ERI1: variants seen among roughly 807,000 people sequenced by gnomAD.
ERI1 encodes the protein exoribonuclease 1.
ERI1 carries 39 observed loss-of-function variants against 39.7 expected under a neutral mutation model. That is an observed-to-expected ratio of 0.98 (90% CI 0.76 to 1.28). The LOEUF (loss-of-function observed/expected upper bound fraction) is 1.28, where lower values mean the gene tolerates loss of function less well. Ranked by LOEUF, ERI1 falls within the 50% of genes most tolerant of loss-of-function variation. The pLI, the probability that ERI1 is intolerant of heterozygous loss-of-function variation, is 0.00. For missense variants in ERI1, 581 were observed against 416.9 expected (o/e 1.39, Z -3.43); for synonymous variants, 204 against 149.6 (o/e 1.36, Z -2.65).
intron 4 of ERI1, among the ~76,000 whole-genome samples, chr8:9,017,244 G>A (rs1817401244): frequency 6.6e-6 from 1 of 151,842 alleles, no homozygotes; most frequent in African/African-American, 2.4e-5. Context: ...GTTTCACTGT[G>A]TTGGCCAAGG....
At chr8:9,091,047 T>G (rs970627802) in intron 3 of ERI1, among the ~76,000 whole-genome samples, 2 of 152,200 alleles carry the variant, frequency 1.3e-5, no homozygotes, top group African/African-American at 4.8e-5. Context: ...TTTCCAAAAA[T>G]CAACAGTCTT....
chr8:9,040,727 TG>T (rs983881972), intron 3 of ERI1, among the ~76,000 whole-genome samples: 2 of 115,886 alleles, frequency 1.7e-5, no homozygotes, highest in African/African-American at 7.2e-5. Flanking sequence ...ATAGTGTGTG[TG>T]TGGGGGGGGG....
chr8:9,066,513 G>A (rs987226040), intron 3 of ERI1, among the ~76,000 whole-genome samples: 2 of 152,196 alleles, frequency 1.3e-5, no homozygotes, highest in East Asian at 1.9e-4. Flanking sequence ...TTGATTTTGT[G>A]TTCACCTGGC....
At position 9,011,735 on chromosome 8, in the gene ERI1, A is replaced by T; in HGVS notation, c.481A>T (p.Thr161Ser). Residue 161 changes from threonine (T) to serine (S), a missense_variant, in exon 3 of 7, where the codon ACG (threonine) becomes TCG (serine). Coordinates refer to ENST00000250263, the MANE Select transcript of ERI1 (RefSeq NM_153332.4). ...IIEFPVVLLNTHTLEIEDTFQ... is the reference protein window; with the variant it reads ...IIEFPVVLLNSHTLEIEDTFQ... ...TGAATTTCCGGTTGTTTTACTGAAT[A>T]CGCATACTTTAGAAATAGTAAGTGA... 1.9e-6 allele frequency: 3 copies of T among 1,603,804 alleles called. No homozygotes were observed. The highest frequency in any genetic ancestry group is 2.2e-5 in the South Asian group (2 of 90,122).
chr8:9,016,531 T>C (rs1817306990), intron 4 of ERI1, 126 bp downstream of exon 4: 1 of 441,370 alleles, frequency 2.3e-6, no homozygotes, highest in Non-Finnish European at 3.9e-6. Flanking sequence ...GGTAAAGATC[T>C]TTCATGTTGT....
downstream of ERI1, among the ~76,000 whole-genome samples, chr8:9,037,340 C>G (rs1386505265): frequency 6.6e-6 from 1 of 152,186 alleles, no homozygotes; most frequent in African/African-American, 2.4e-5. Flanking sequence ...GTCTTATTCT[C>G]TTGATTCTGT....
Position 9,094,572 on chromosome 8 carries a change from C to G in ERI1, n.300-21776C>G, listed in dbSNP as rs113288872. Among the ~76,000 whole-genome samples, 1,039 of 152,284 alleles carry G rather than the reference C, an allele frequency of 6.8e-3. 9 individuals carry two copies. The highest frequency in any genetic ancestry group is 9.4e-3 in the Non-Finnish European group (637 of 68,026). On this transcript the variant is annotated intron_variant and non_coding_transcript_variant, in intron 3 of 3. Transcript: ENST00000518663. ...CTGTGTGTTGATGGATGATGAGTTT[C>G]CAGCAACCCAACTGCTCAGAACAAA...
chr8:9,074,292 G>C (rs1284118546), intron 3 of ERI1, among the ~76,000 whole-genome samples: 1 of 149,828 alleles, frequency 6.7e-6, no homozygotes, highest in Admixed American at 6.7e-5. Flanking sequence ...TTTTTTTTCA[G>C]TAGAGACAGA....
At chr8:9,089,024 G>A (rs1201444582) in intron 3 of ERI1, among the ~76,000 whole-genome samples, 11 of 152,172 alleles carry the variant, frequency 7.2e-5, no homozygotes, top group Non-Finnish European at 8.8e-5. Context: ...CAGACTTAGG[G>A]TAGAACTGTG....
intron 3 of ERI1, among the ~76,000 whole-genome samples, chr8:9,042,101 C>G (rs1798042281): frequency 6.6e-6 from 1 of 152,142 alleles, no homozygotes; most frequent in East Asian, 1.9e-4. Context: ...ACAAACCAAA[C>G]CCACCTGGGG....
chr8:9,070,296 A>G (rs1427781813), intron 3 of ERI1, among the ~76,000 whole-genome samples: 1 of 152,086 alleles, frequency 6.6e-6, no homozygotes, highest in Non-Finnish European at 1.5e-5. Flanking sequence ...TAACAAAAAT[A>G]AAAAAGAAAT....
chr8:9,094,642 C>T (rs1050878250), intron 3 of ERI1, among the ~76,000 whole-genome samples: 7 of 152,168 alleles, frequency 4.6e-5, no homozygotes, highest in African/African-American at 1.7e-4. Flanking sequence ...AGTTGGGGAA[C>T]ATAAATGTGT....
intron 2 of ERI1, 100 bp downstream of exon 2, chr8:9,008,248 T>TAATG (rs1563308841): frequency 2.9e-6 from 3 of 1,045,272 alleles, no homozygotes; most frequent in Non-Finnish European, 2.7e-6. Flanking sequence ...AATCCTACCG[T>TAATG]AATGACATGA....
At chr8:9,072,404 A>G (rs1211014241) in intron 3 of ERI1, 1 of 152,144 alleles carries the variant, frequency 6.6e-6, no homozygotes, top group Non-Finnish European at 1.5e-5. Flanking sequence ...CATATGCGCA[A>G]CCATTACCAC....
At chr8:9,026,818 C>G (rs922252603) in intron 6 of ERI1, among the ~76,000 whole-genome samples, 2 of 151,492 alleles carry the variant, frequency 1.3e-5, no homozygotes, top group African/African-American at 4.9e-5. Flanking sequence ...CACTTCTGTC[C>G]CAAGCATTTC....
intron 6 of ERI1, among the ~76,000 whole-genome samples, chr8:9,027,048 C>T (rs1361317062): frequency 6.6e-6 from 1 of 152,042 alleles, no homozygotes; most frequent in African/African-American, 2.4e-5. Context: ...CACATTGTTT[C>T]CCACAGTGGC....
chr8:9,016,292 T>C (rs757881533), intron 3 of ERI1, 30 bp from the exon 4 acceptor site: 1 of 1,429,954 alleles, frequency 7.0e-7, no homozygotes, highest in South Asian at 1.2e-5. Flanking sequence ...CTCATATAAA[T>C]TACTTTAACT....
chr8:9,050,182 AAAAGAT>A (rs1798311574), intron 3 of ERI1, among the ~76,000 whole-genome samples: 1 of 146,278 alleles, frequency 6.8e-6, no homozygotes, highest in Admixed American at 6.8e-5. Context: ...AAAAAAAAAA[AAAAGAT>A]AGCTATTTTC....
intron 6 of ERI1, among the ~76,000 whole-genome samples, chr8:9,028,342 T>C (rs1011683503): frequency 6.6e-6 from 1 of 152,226 alleles, no homozygotes; most frequent in Non-Finnish European, 1.5e-5. Context: ...ACCTAAGTTA[T>C]CCAGTGTGTT....
Sources: allele counts gnomAD v4.1 joint callset (sites outside exome capture counted in the v4.1 genomes callset), GRCh38; gene constraint gnomAD v4.1.1; transcripts MANE v1.5; gene names NCBI Gene and HGNC (gene_info 2026-07-23, HGNC 2026-07-21).